The following C3 variants were observed in gnomAD, a reference collection of about 807,000 sequenced individuals.
C3 encodes the protein C3 and PZP-like alpha-2-macroglobulin domain-containing protein 1.
Under a neutral mutation model 207.9 loss-of-function variants are expected in C3, and 97 were observed. That is an observed-to-expected ratio of 0.47 (90% confidence interval 0.40 to 0.55). The LOEUF is 0.55. Ranked by LOEUF, C3 falls within the 20% of genes least tolerant of loss-of-function variation. C3 has a pLI of 0.00. For synonymous variants in C3, 848 were observed against 857.6 expected (o/e 0.99, Z 0.20); for missense variants, 1,684 against 2,171.7 (o/e 0.78, Z 4.46).
In C3 at chr19:6,684,769, C is replaced by T. The variant is rs1484950547; in HGVS notation, c.4029+6G>A. 7.4e-6 allele frequency: 12 copies of T among 1,614,002 alleles called. No individual in the cohort carries two copies. The highest frequency in any genetic ancestry group is 2.2e-5 in the East Asian group (1 of 44,900). Reference sequence around the variant, plus strand: ...GGCCAGGCAGGTGTGGGTTTCTGTTCCTTACCGACAAGGTGCCTTGGCCTT... The same window carrying T: ...GGCCAGGCAGGTGTGGGTTTCTGTTTCTTACCGACAAGGTGCCTTGGCCTT... On this transcript the variant is annotated splice_donor_region_variant and intron_variant, in intron 31 of 40. Transcript: ENST00000245907.
At position 6,692,954 on chromosome 19, in the gene C3, C is replaced by T. The variant is rs1234425128; in HGVS notation, c.3360G>A (p.Glu1120=). 6.2e-7 allele frequency: 1 copy of T among 1,614,194 alleles called. No homozygotes were observed. Among genetic ancestry groups the T allele is most frequent in the South Asian group, 1.1e-5 (1 of 91,084 alleles). ...EKQKPDGVFQ[E]DAPVIHQEMI... The stretch of plus-strand genomic sequence containing the variant: ...TTTCTTGGTGTATCACGGGCGCATC[C>T]TCCTGGAAGACCCCGTCGGGCTTCT... The change falls in exon 26 of 41, where the codon GAG becomes GAA. Residue 1120 remains glutamate (E), a synonymous_variant. Coordinates refer to ENST00000245907, the MANE Select transcript of C3 (RefSeq NM_000064.4).
At chr19:6,713,060 C>G (rs1045731706) in intron 9 of C3, 129 bp downstream of exon 9, 1 of 1,118,254 alleles carries the variant, frequency 8.9e-7, no homozygotes, top group African/African-American at 1.5e-5. Flanking sequence ...TGGGCCTACC[C>G]CATCAGACTG....
At chr19:6,688,345 G>A (rs182463845) in intron 27 of C3, among the ~76,000 whole-genome samples, 8 of 152,194 alleles carry the variant, frequency 5.3e-5, no homozygotes. Context: ...TGTTGGCCAG[G>A]GTGGTTTTGA....
chr19:6,696,271 C>G, intron 23 of C3, 108 bp downstream of exon 23: 1 of 720,770 alleles, frequency 1.4e-6, no homozygotes, highest in Non-Finnish European at 2.5e-6. Context: ...GCTGTTCTAG[C>G]TGAAGGGGAA....
In C3 at chr19:6,702,463, G is replaced by A. The variant is rs187310399; in HGVS notation, c.2354+8C>T. 24 of 1,587,326 alleles carry A rather than the reference G, an allele frequency of 1.5e-5. No individual in the cohort carries two copies. Among genetic ancestry groups the A allele is most frequent in the South Asian group, 6.6e-5 (6 of 90,562 alleles). ...GGGTGGGTTGTACCGGGGGTACCCC[G>A]GCCTTACCCATTTTTCGGTGGCTCT... On this transcript the variant is annotated splice_region_variant and intron_variant, in intron 18 of 40. Coordinates refer to ENST00000245907, the MANE Select transcript of C3 (RefSeq NM_000064.4).
rs369986898 is a variant in C3 at position 6,697,709 on chromosome 19, G to A, written c.2526C>T (p.Asn842=). 32 of 1,613,920 alleles carry A rather than the reference G, an allele frequency of 2.0e-5. No individual in the cohort carries two copies. Among genetic ancestry groups the A allele is most frequent in the Middle Eastern group, 1.6e-4 (1 of 6,084 alleles). The part of the protein sequence containing the change: ...DLRLPYSVVR[N]EQVEIRAVLY... ...GAACGGCTCGGATTTCCACCTGCTCGTTTCGAACAACAGAGTAGGGTAGCC... is the reference window on the plus strand; with the variant it reads ...GAACGGCTCGGATTTCCACCTGCTCATTTCGAACAACAGAGTAGGGTAGCC... The change falls in exon 20 of 41, where the codon AAC becomes AAT. Residue 842 remains asparagine (N), a synonymous_variant. Coordinates refer to ENST00000245907, the MANE Select transcript of C3 (RefSeq NM_000064.4).
At chr19:6,684,366 C>A (rs1451948923) in intron 33 of C3, 22 bp downstream of exon 33, 9 of 1,605,730 alleles carry the variant, frequency 5.6e-6, no homozygotes, top group South Asian at 1.1e-5. Context: ...CCAAGATGAA[C>A]CCCGGTGACC....
Position 6,693,416 on chromosome 19 carries a change from T to C in C3, c.3226A>G (p.Thr1076Ala). 3 of 1,609,766 alleles carry C rather than the reference T, an allele frequency of 1.9e-6. No homozygotes were observed. The highest frequency in any genetic ancestry group is 2.5e-6 in the Non-Finnish European group (3 of 1,178,602). The change falls in exon 25 of 41, where the codon ACC becomes GCC. Residue 1076 changes from threonine (T) to alanine (A), a missense_variant. This residue lies in a region of C3 where 1,280 missense variants were observed against 1,739.1 expected (regional missense o/e 0.74). Coordinates refer to ENST00000245907, the MANE Select transcript of C3 (RefSeq NM_000064.4). Reference protein sequence around the residue: ...FAAFVKRAPSTWLTAYVVKVF... With the variant: ...FAAFVKRAPSAWLTAYVVKVF... ...GAGCTGGCTGTTGGGACTCACCAGG[T>C]GCTGGGTGCCCGTTTCACGAAGGCC...
Position 6,677,755 on chromosome 19 carries a change from T to G in C3, c.*127A>C. On this transcript the variant is annotated 3_prime_UTR_variant, in exon 41 of 41. Coordinates refer to ENST00000245907, the MANE Select transcript of C3 (RefSeq NM_000064.4). ...AAATGCGGTGGGAACAGGTGAGGTTTCAAGTAGGATGGAGCTGAGCTGCAG... is the reference window on the plus strand; with the variant it reads ...AAATGCGGTGGGAACAGGTGAGGTTGCAAGTAGGATGGAGCTGAGCTGCAG... The G allele has an allele frequency of 3.3e-6, 4 of 1,196,430 alleles. No homozygotes were observed. The highest frequency in any genetic ancestry group is 4.8e-6 in the Non-Finnish European group (4 of 836,630). 74.1% of individuals were successfully genotyped at this position (1,196,430 alleles called of 1,614,324 possible). A position where few individuals can be genotyped will look rare whatever the true frequency, so the allele number is the denominator to read the frequency against.
chr19:6,696,911 T>G lies in C3; in HGVS notation c.2797-252A>C, dbSNP rs445954. On this transcript the variant is annotated intron_variant, in intron 21 of 40. Coordinates refer to ENST00000245907, the MANE Select transcript of C3 (RefSeq NM_000064.4). ...AAAAAAATTAGCCGGGCGTGGTGGC[T>G]GGCGCCTGTAGTCCCAGCTACTCGG... Among the ~76,000 whole-genome samples, 102,031 of 147,300 alleles carry G rather than the reference T, an allele frequency of 0.69. 36,092 individuals are homozygous for G. Among genetic ancestry groups the G allele is most frequent in the African/African-American group, 0.85 (34,037 of 40,222 alleles).
chr19:6,710,181 G>A (rs1337262245), intron 13 of C3, among the ~76,000 whole-genome samples: 1 of 108,194 alleles, frequency 9.2e-6, no homozygotes, highest in Admixed American at 8.9e-5. Context: ...AAAGAGAGAG[G>A]GAGAGAGAGA....
At chr19:6,696,999 G>A (rs1282079777) in intron 21 of C3, among the ~76,000 whole-genome samples, 1 of 147,198 alleles carries the variant, frequency 6.8e-6, no homozygotes, top group Non-Finnish European at 1.5e-5. Context: ...CTGAGATCGC[G>A]CCACTGCACT....
Position 6,702,108 on chromosome 19 carries a change from A to T in C3, c.2440+19T>A. ...CTGGGGTCCCTGCCTCCCGGGGACC[A>T]GCCAGCATCCTCTCTCACCTTTCTT... On this transcript the variant is annotated intron_variant, in intron 19 of 40. Coordinates refer to ENST00000245907, the MANE Select transcript of C3 (RefSeq NM_000064.4). 6.9e-7 allele frequency: 1 copy of T among 1,447,948 alleles called. No homozygotes were observed. Among genetic ancestry groups the T allele is most frequent in the Non-Finnish European group, 9.7e-7 (1 of 1,030,986 alleles). 89.7% of individuals were successfully genotyped at this position (1,447,948 alleles called of 1,614,324 possible). A position where few individuals can be genotyped will look rare whatever the true frequency, so the allele number is the denominator to read the frequency against.
In C3 at chr19:6,720,536, G is replaced by A. The variant is rs1346441822; in HGVS notation, c.54C>T (p.Pro18=). ...SLLLLLLTHL[P]LALGSPMYSI... is the part of the protein sequence containing the mutation. Reference sequence around the variant, plus strand: ...CTCACATGGGACTCCCCAGAGCCAGGGGGAGGTGGGTTAGTAGCAGGAGCA... The same window carrying A: ...CTCACATGGGACTCCCCAGAGCCAGAGGGAGGTGGGTTAGTAGCAGGAGCA... Residue 18 remains proline, a synonymous_variant, in exon 1 of 41, where the codon CCC becomes CCT. Transcript: ENST00000245907. 1 of 1,594,230 alleles carries A rather than the reference G, an allele frequency of 6.3e-7. No homozygotes were observed. The highest frequency in any genetic ancestry group is 1.1e-5 in the South Asian group (1 of 87,626).
chr19:6,708,561 CTCCTTCCTTCCTTCCTTCTT>C (rs1967836387), intron 14 of C3, among the ~76,000 whole-genome samples: 1 of 147,540 alleles, frequency 6.8e-6, no homozygotes, highest in African/African-American at 2.5e-5. Context: ...CCCTCCTTCC[CTCCTTCCTTCCTTCCTTCTT>C]TCCTTCCTTC....
chr19:6,688,949 AC>A (rs1167667547), intron 27 of C3, among the ~76,000 whole-genome samples: 2 of 152,078 alleles, frequency 1.3e-5, no homozygotes. Context: ...GGCGGCCCTA[AC>A]CTTGATCTGA....
chr19:6,704,091 A>T (rs919641989), intron 17 of C3, among the ~76,000 whole-genome samples: 6 of 152,136 alleles, frequency 3.9e-5, no homozygotes, highest in Admixed American at 3.9e-4. Context: ...CAGCCTGGGC[A>T]ACACACTGAG....
intron 21 of C3, 144 bp downstream of exon 21, chr19:6,697,200 G>A: frequency 1.5e-6 from 1 of 659,540 alleles, no homozygotes; most frequent in African/African-American, 2.8e-5. Flanking sequence ...CTCTGCTTCT[G>A]AAATTCTGGG....
At position 6,707,716 on chromosome 19, in the gene C3, C is replaced by A. The variant is rs1599519418; in HGVS notation, c.1975+84G>T. The A allele has an allele frequency of 6.9e-6, 11 of 1,592,964 alleles. No homozygotes were observed. In the East Asian group the frequency reaches 2.0e-4, roughly 29 times the overall value. The stretch of plus-strand genomic sequence containing the variant: ...GTGGAGGCGGGGCTTGAACCCAGGC[C>A]CCCGGTTTCCAGAGCTCTGCTCCCA... On this transcript the variant is annotated intron_variant, in intron 15 of 40. Coordinates refer to ENST00000245907, the MANE Select transcript of C3 (RefSeq NM_000064.4).
Sources: gnomAD v4.1 joint callset for allele counts (sites outside exome capture counted in the v4.1 genomes callset) on GRCh38, gnomAD v4.1.1 for gene constraint, gnomAD v4.1.1 regional missense constraint, MANE v1.5 for transcripts, NCBI Gene and HGNC (gene_info 2026-07-23, HGNC 2026-07-21) for gene names.